Variants in LEKR1 observed in about 807,000 individuals in gnomAD.
LEKR1 encodes leucine, glutamate and lysine rich 1.
A neutral mutation model predicts 72.4 loss-of-function variants in LEKR1; 59 were observed. That is an observed-to-expected ratio of 0.82 (90% CI 0.66 to 1.01). The LOEUF is 1.01. Among genes scored for constraint, LEKR1 ranks in the 50% least tolerant of loss-of-function variants. The pLI, the probability that LEKR1 is intolerant of heterozygous loss-of-function variation, is 0.00. For synonymous variants in LEKR1, 257 were observed against 263.2 expected (o/e 0.98, Z 0.23); for missense variants, 728 against 759.2 (o/e 0.96, Z 0.48).
Position 156,927,550 on chromosome 3 carries a change from T to A in LEKR1, c.505T>A (p.Leu169Met). 1 of 1,240,228 alleles carries A rather than the reference T, an allele frequency of 8.1e-7. No homozygotes were observed. Among genetic ancestry groups the A allele is most frequent in the South Asian group, 1.4e-5 (1 of 70,332 alleles). The allele number at this position is 1,240,228 out of a possible 1,614,324, so 76.8% of individuals were successfully genotyped here. ...TGATAATTACCAAAACTGGACTTCA[T>A]TGAAAGGAGCAGTTTTTCTACAAAT... is the stretch of plus-strand genomic sequence containing the variant. ...VYDNYQNWTS[L>M]KGAVFLQIKS... Residue 169 changes from leucine (L) to methionine (M), a missense_variant, in exon 5 of 13, where the codon TTG (leucine) becomes ATG (methionine). Coordinates refer to ENST00000356539, the MANE Select transcript of LEKR1 (RefSeq NM_001004316.3).
intron 12 of LEKR1, among the ~76,000 whole-genome samples, chr3:157,045,016 T>G (rs972990274): frequency 3.9e-5 from 6 of 152,164 alleles, no homozygotes; most frequent in African/African-American, 1.4e-4. Flanking sequence ...TCCACTGAAG[T>G]TAGGTATAAG....
intron 9 of LEKR1, among the ~76,000 whole-genome samples, chr3:157,010,384 C>T (rs1177270604): frequency 6.6e-6 from 1 of 151,874 alleles, no homozygotes; most frequent in African/African-American, 2.4e-5. Flanking sequence ...TCAGAAATGA[C>T]CCTTGAAGGT....
At chr3:157,024,105 T>C (rs1294691852) in intron 10 of LEKR1, among the ~76,000 whole-genome samples, 1 of 152,160 alleles carries the variant, frequency 6.6e-6, no homozygotes, top group Non-Finnish European at 1.5e-5. Flanking sequence ...ATACTTCATA[T>C]CAACGGCCCA....
chr3:156,927,940 A>G (rs986932451), intron 5 of LEKR1, among the ~76,000 whole-genome samples: 1 of 151,992 alleles, frequency 6.6e-6, no homozygotes, highest in Non-Finnish European at 1.5e-5. Flanking sequence ...CTTTAATTCT[A>G]GAAAAATAGC....
intron 12 of LEKR1, among the ~76,000 whole-genome samples, chr3:157,043,324 A>T (rs1735504045): frequency 6.6e-6 from 1 of 152,194 alleles, no homozygotes; most frequent in African/African-American, 2.4e-5. Context: ...TAACTCCAAC[A>T]CGTTGCCAGC....
chr3:156,998,613 G>A (rs1436789675), intron 9 of LEKR1, among the ~76,000 whole-genome samples: 1 of 152,156 alleles, frequency 6.6e-6, no homozygotes, highest in Non-Finnish European at 1.5e-5. Flanking sequence ...TTAGGTGCAA[G>A]TTGCTTATGT....
In LEKR1 at chr3:157,011,141, C is replaced by T. The variant is rs1021981248; in HGVS notation, c.1110-272C>T. 2.6e-5 allele frequency among the ~76,000 whole-genome samples: 4 copies of T among 152,118 alleles called. 1 individual carries two copies. The South Asian group carries it at 8.3e-4, about 32-fold the overall frequency. On this transcript the variant is annotated intron_variant, in intron 9 of 12. Coordinates refer to ENST00000356539, the MANE Select transcript of LEKR1 (RefSeq NM_001004316.3). ...AGAAGACATTTCATTGTATTTGTGA[C>T]TCTGCATATGTAGTTAATGTTTATT...
chr3:156,899,699 CACGCATATATACACATAT>C (rs1721782126), intron 3 of LEKR1, among the ~76,000 whole-genome samples: 1 of 142,946 alleles, frequency 7.0e-6, no homozygotes, highest in Non-Finnish European at 1.5e-5. Context: ...CACATATATA[CACGCATATATACACATAT>C]ATACATGCAT....
intron 6 of LEKR1, among the ~76,000 whole-genome samples, chr3:156,959,462 A>G (rs1043955566): frequency 3.3e-5 from 5 of 152,138 alleles, no homozygotes; most frequent in African/African-American, 1.2e-4. Flanking sequence ...TTTAAGTGCT[A>G]AGTATCACAA....
At chr3:156,911,007 G>T (rs780355738) in intron 3 of LEKR1, among the ~76,000 whole-genome samples, 32 of 152,130 alleles carry the variant, frequency 2.1e-4, no homozygotes, top group Non-Finnish European at 3.7e-4. Flanking sequence ...GTTATTTTTT[G>T]ACTTTTTAAT....
intron 5 of LEKR1, among the ~76,000 whole-genome samples, chr3:156,938,742 TC>T: frequency 6.6e-6 from 1 of 152,350 alleles, no homozygotes; most frequent in East Asian, 1.9e-4. Flanking sequence ...TGCATCTTTT[TC>T]CCTATTATTG....
At chr3:156,924,165 C>A (rs1334689944) in intron 4 of LEKR1, among the ~76,000 whole-genome samples, 1 of 152,146 alleles carries the variant, frequency 6.6e-6, no homozygotes, top group East Asian at 1.9e-4. Context: ...TTGTTGTAGT[C>A]ATTCTAGTGG....
intron 2 of LEKR1, among the ~76,000 whole-genome samples, chr3:156,837,483 C>T (rs181567873): frequency 3.3e-5 from 5 of 152,294 alleles, no homozygotes; most frequent in South Asian, 4.2e-4. Flanking sequence ...AAGGAAATCT[C>T]GTCCAGTTTT....
intron 3 of LEKR1, chr3:156,853,244 G>GTA (rs1407340510): frequency 8.5e-6 from 2 of 236,202 alleles, no homozygotes; most frequent in African/African-American, 4.5e-5. Flanking sequence ...TTTTTCCCAG[G>GTA]TATATATATC....
intron 7 of LEKR1, among the ~76,000 whole-genome samples, chr3:156,984,600 C>G (rs1730512716): frequency 6.6e-6 from 1 of 151,992 alleles, no homozygotes; most frequent in African/African-American, 2.4e-5. Flanking sequence ...TTGCTTGAAC[C>G]CGGGAGGCAG....
At chr3:156,933,145 T>C (rs1725401056) in intron 5 of LEKR1, among the ~76,000 whole-genome samples, 1 of 152,260 alleles carries the variant, frequency 6.6e-6, no homozygotes, top group Admixed American at 6.5e-5. Context: ...TGCCAGTATC[T>C]GCATATCTGT....
intron 9 of LEKR1, among the ~76,000 whole-genome samples, chr3:157,003,880 AT>A (rs1357179724): frequency 6.6e-6 from 1 of 152,206 alleles, no homozygotes; most frequent in Non-Finnish European, 1.5e-5. Flanking sequence ...AAATTGAATC[AT>A]AAAACATGCA....
chr3:156,840,381 T>C (rs1328007087), intron 2 of LEKR1, among the ~76,000 whole-genome samples: 1 of 152,242 alleles, frequency 6.6e-6, no homozygotes, highest in Admixed American at 6.5e-5. Flanking sequence ...TTCACATCTG[T>C]ACCCAGGACA....
At position 156,936,394 on chromosome 3, in the gene LEKR1, TG is replaced by T. The variant is rs775622114; in HGVS notation, c.560-6131del. On this transcript the variant is annotated intron_variant, in intron 5 of 12. Coordinates refer to ENST00000356539, the MANE Select transcript of LEKR1 (RefSeq NM_001004316.3). ...CTGACTCTGCCACTTAACAAAAAAC[TG>T]GGGCTTCAGTGTCCTCATCTGTACA... is the stretch of plus-strand genomic sequence containing the variant. Among the ~76,000 whole-genome samples the T allele has an allele frequency of 3.8e-4, 56 of 148,868 alleles. 3 individuals carry two copies. Among genetic ancestry groups the T allele is most frequent in the Middle Eastern group, 3.4e-3 (1 of 294 alleles).
Sources: allele counts gnomAD v4.1 joint callset (sites outside exome capture counted in the v4.1 genomes callset), GRCh38; gene constraint gnomAD v4.1.1; transcripts MANE v1.5; gene names NCBI Gene and HGNC (gene_info 2026-07-23, HGNC 2026-07-21).